The following CCDC169 variants were observed in gnomAD, a reference collection of about 807,000 sequenced individuals.
The protein encoded by CCDC169 is coiled-coil domain containing 169, also known as coiled-coil domain-containing protein 169.
CCDC169 carries 30 observed loss-of-function variants against 36.0 expected under a neutral mutation model. That is an observed-to-expected ratio of 0.83 (90% CI 0.62 to 1.13). CCDC169 has a LOEUF of 1.13. CCDC169 is among the 50% of genes most tolerant of loss of function. CCDC169 has a pLI of 0.00. For synonymous variants in CCDC169, 85 were observed against 81.5 expected (o/e 1.04, Z -0.23); for missense variants, 245 against 245.9 (o/e 1.00, Z 0.03).
intron 4 of CCDC169, among the ~76,000 whole-genome samples, chr13:36,269,041 T>A (rs1030796275): frequency 2.0e-5 from 3 of 151,852 alleles, no homozygotes; most frequent in African/African-American, 7.3e-5. Flanking sequence ...CAGGTGGAGG[T>A]TGCAGTAAAC....
At chr13:36,271,776 G>A (rs185433945) in intron 4 of CCDC169, among the ~76,000 whole-genome samples, 1 of 151,954 alleles carries the variant, frequency 6.6e-6, no homozygotes, top group East Asian at 1.9e-4. Flanking sequence ...GGGAGGGAAG[G>A]AAGGGATAAA....
intron 4 of CCDC169, among the ~76,000 whole-genome samples, chr13:36,269,734 A>AT (rs771320845): frequency 3.2e-4 from 49 of 152,350 alleles, no homozygotes; most frequent in Non-Finnish European, 5.6e-4. Context: ...TCACTTTGTG[A>AT]TAAAAACTCT....
At chr13:36,239,775 A>G (rs1210314429) in intron 7 of CCDC169, among the ~76,000 whole-genome samples, 1 of 152,090 alleles carries the variant, frequency 6.6e-6, no homozygotes, top group Non-Finnish European at 1.5e-5. Flanking sequence ...TATCTGCTCC[A>G]AAGTCAGTGC....
chr13:36,242,338 T>C (rs1405961507), intron 7 of CCDC169, among the ~76,000 whole-genome samples: 1 of 152,200 alleles, frequency 6.6e-6, no homozygotes, highest in East Asian at 1.9e-4. Context: ...TGATGAGTAA[T>C]GGTGTTGAGT....
chr13:36,282,757 T>A (rs1594079595), intron 4 of CCDC169: 1 of 158,380 alleles, frequency 6.3e-6, no homozygotes, highest in East Asian at 1.9e-4. Flanking sequence ...TTTTCCAACA[T>A]GAATATGTTC....
chr13:36,290,431 A>T (rs906946040), intron 2 of CCDC169, among the ~76,000 whole-genome samples: 1 of 152,082 alleles, frequency 6.6e-6, no homozygotes, highest in Non-Finnish European at 1.5e-5. Flanking sequence ...GGCAGGGCTT[A>T]TTACCTTTTT....
intron 4 of CCDC169, among the ~76,000 whole-genome samples, chr13:36,254,401 A>G (rs1873578470): frequency 6.6e-6 from 1 of 151,068 alleles, no homozygotes; most frequent in Non-Finnish European, 1.5e-5. Flanking sequence ...TCAGGCTCCC[A>G]AGTAGCTGGG....
intron 2 of CCDC169, among the ~76,000 whole-genome samples, chr13:36,294,004 A>G (rs1879200228): frequency 6.6e-6 from 1 of 152,162 alleles, no homozygotes; most frequent in Non-Finnish European, 1.5e-5. Flanking sequence ...CTCTGCCACT[A>G]CCTGGCTATA....
intron 2 of CCDC169, among the ~76,000 whole-genome samples, chr13:36,289,732 T>G (rs1170678095): frequency 6.6e-6 from 1 of 152,230 alleles, no homozygotes; most frequent in East Asian, 1.9e-4. Flanking sequence ...CCTAAAAGGC[T>G]GAAAGTTGTT....
chr13:36,253,967 T>C (rs1873502879), intron 5 of CCDC169, 78 bp downstream of exon 5: 1 of 1,534,228 alleles, frequency 6.5e-7, no homozygotes, highest in Admixed American at 2.1e-5. Flanking sequence ...TTTGTGTTAA[T>C]TATAGAGTAG....
chr13:36,231,614 T>C (rs1361084373), intron 7 of CCDC169, among the ~76,000 whole-genome samples: 1 of 152,178 alleles, frequency 6.6e-6, no homozygotes, highest in African/African-American at 2.4e-5. Context: ...TTCTTAGATT[T>C]CCATGAGATC....
At chr13:36,229,311 C>T (rs2138369758), downstream of CCDC169, among the ~76,000 whole-genome samples, 1 of 152,232 alleles carries the variant, frequency 6.6e-6, no homozygotes, top group East Asian at 1.9e-4. Flanking sequence ...AACATTCCAT[C>T]ATTCTGTTTA....
At position 36,230,955 on chromosome 13, in the gene CCDC169, C is replaced by CAG. The variant is rs536700058; in HGVS notation, c.*236_*237dup. On this transcript the variant is annotated 3_prime_UTR_variant, in exon 8 of 8. Coordinates refer to ENST00000239859, the MANE Select transcript of CCDC169 (RefSeq NM_001144981.3). The stretch of plus-strand genomic sequence containing the variant: ...AAGCAAGTGTAATGATGCCAGCCTT[C>CAG]AGATTCCCTAGGATATTTTAAAACT... 8.6e-5 allele frequency: 105 copies of CAG among 1,218,876 alleles called. No individual in the cohort carries two copies. The South Asian group carries it at 2.6e-3, about 31-fold the overall frequency. 75.5% of individuals were successfully genotyped at this position (1,218,876 alleles called of 1,614,324 possible). A position where few individuals can be genotyped will look rare whatever the true frequency, so the allele number is the denominator to read the frequency against.
chr13:36,277,944 C>CA (rs71084416), intron 4 of CCDC169, among the ~76,000 whole-genome samples: 2,642 of 100,080 alleles, frequency 0.026, 76 homozygotes, highest in African/African-American at 0.092. Flanking sequence ...GACTCCGTCT[C>CA]AAAAAAAAAA....
In CCDC169 at chr13:36,231,205, T is replaced by C. The variant is rs1870384100; in HGVS notation, c.633A>G (p.Glu211=). 6.4e-7 allele frequency: 1 copy of C among 1,551,166 alleles called. No individual in the cohort carries two copies. Among genetic ancestry groups the C allele is most frequent in the African/African-American group, 1.4e-5 (1 of 73,094 alleles). ...TCCAGTTCTGGAATCATGGATGGAG[T>C]TCTGGAAGATGGTTTGGTCTTGTAA... ...KKITRPNHLP[E]LHP The change falls in exon 8 of 8, where the codon GAA becomes GAG. Residue 211 remains glutamate (E), a synonymous_variant. Transcript: ENST00000239859.
At chr13:36,280,124 TATG>T (rs1351321333) in intron 4 of CCDC169, 5 of 152,296 alleles carry the variant, frequency 3.3e-5, no homozygotes, top group East Asian at 1.9e-4. Flanking sequence ...ATATGCACAG[TATG>T]ATACTTTTTA....
intron 2 of CCDC169, among the ~76,000 whole-genome samples, chr13:36,293,010 A>G (rs936170309): frequency 6.6e-6 from 1 of 152,188 alleles, no homozygotes; most frequent in African/African-American, 2.4e-5. Context: ...AACAGGTAGA[A>G]GTCCTCTTCT....
chr13:36,296,010 G>C (rs1879433595), intron 1 of CCDC169, among the ~76,000 whole-genome samples, 153 bp from the exon 2 acceptor site: 1 of 152,120 alleles, frequency 6.6e-6, no homozygotes. Context: ...GGCAAAGGAA[G>C]GCTTCCAATT....
downstream of CCDC169, among the ~76,000 whole-genome samples, chr13:36,228,204 A>G (rs1474028252): frequency 6.6e-6 from 1 of 152,164 alleles, no homozygotes; most frequent in Non-Finnish European, 1.5e-5. Flanking sequence ...GCTGTGTCAT[A>G]TAGTAACTCT....
Sources: allele counts gnomAD v4.1 joint callset (sites outside exome capture counted in the v4.1 genomes callset), GRCh38; gene constraint gnomAD v4.1.1; transcripts MANE v1.5; gene names NCBI Gene and HGNC (gene_info 2026-07-23, HGNC 2026-07-21).